S100PBP: variants seen among roughly 807,000 people sequenced by gnomAD.
The protein encoded by S100PBP is S100P binding protein, also known as S100P-binding protein.
A neutral mutation model predicts 39.9 loss-of-function variants in S100PBP; 15 were observed. That is an observed-to-expected ratio of 0.38 (90% CI 0.25 to 0.58). The LOEUF is 0.58. Ranked by LOEUF, S100PBP falls within the 20% of genes least tolerant of loss-of-function variation. The pLI is 0.70. For synonymous variants in S100PBP, 178 were observed against 180.3 expected, an observed-to-expected ratio of 0.99 and a Z score of 0.10; for missense variants, 504 against 487.3, an observed-to-expected ratio of 1.03 and a Z score of -0.32.
chr1:32,845,488 C>T (rs565291872), intron 5 of S100PBP, among the ~76,000 whole-genome samples: 5 of 151,988 alleles, frequency 3.3e-5, no homozygotes, highest in Admixed American at 2.0e-4. Flanking sequence ...AGGCTAGTCT[C>T]GAACTCTTGG....
At chr1:32,841,435 T>A (rs1640090503) in intron 5 of S100PBP, among the ~76,000 whole-genome samples, 2 of 151,938 alleles carry the variant, frequency 1.3e-5, no homozygotes, top group African/African-American at 4.8e-5. Flanking sequence ...ATCAGGTTTT[T>A]AAAAATTTTA....
At chr1:32,819,056 A>G (rs1638913805) in intron 1 of S100PBP, among the ~76,000 whole-genome samples, 2 of 152,032 alleles carry the variant, frequency 1.3e-5, no homozygotes, top group African/African-American at 4.8e-5. Context: ...CGAAGGCAGT[A>G]GGTTTTCTGA....
chr1:32,842,273 G>T (rs1291039958), intron 5 of S100PBP, among the ~76,000 whole-genome samples: 1 of 134,566 alleles, frequency 7.4e-6, no homozygotes, highest in Non-Finnish European at 1.5e-5. Context: ...ACACACACGT[G>T]GGAATGTAAG....
intron 5 of S100PBP, among the ~76,000 whole-genome samples, chr1:32,833,076 T>A (rs1214015690): frequency 6.6e-5 from 10 of 152,196 alleles, no homozygotes; most frequent in Admixed American, 6.5e-4. Flanking sequence ...AAATTATAAG[T>A]ACTTAAAGTA....
chr1:32,851,590 C>A (rs935914219), intron 5 of S100PBP, among the ~76,000 whole-genome samples: 1 of 151,372 alleles, frequency 6.6e-6, no homozygotes, highest in Non-Finnish European at 1.5e-5. Flanking sequence ...CACTTGAACC[C>A]GGGAGGAGGA....
chr1:32,838,488 C>T (rs1053071841), intron 5 of S100PBP, among the ~76,000 whole-genome samples: 2 of 152,070 alleles, frequency 1.3e-5, no homozygotes, highest in Non-Finnish European at 2.9e-5. Context: ...ATGTTTCCCC[C>T]AACTTTTTAA....
chr1:32,833,342 T>G (rs1174294237), intron 5 of S100PBP, among the ~76,000 whole-genome samples: 1 of 152,030 alleles, frequency 6.6e-6, no homozygotes. Flanking sequence ...AAAATAACTT[T>G]GTTCTGTCTT....
upstream of S100PBP, chr1:32,817,244 T>A: frequency 6.2e-7 from 1 of 1,614,046 alleles, no homozygotes; most frequent in Non-Finnish European, 8.5e-7. Context: ...GCGTCCCCCA[T>A]GGCTCCGCTA....
rs1640812272 is a variant in S100PBP at position 32,856,191 on chromosome 1, C to T, written c.*153C>T. On this transcript the variant is annotated 3_prime_UTR_variant, in exon 7 of 7. Coordinates refer to ENST00000373475, the MANE Select transcript of S100PBP (RefSeq NM_022753.4). The stretch of plus-strand genomic sequence containing the variant: ...AAACTCGTCACCTTTTGGAAATGCC[C>T]ATTGCCGACTTGAATTTTTTTGTAT... The T allele has an allele frequency of 2.0e-6, 1 of 489,584 alleles. No homozygotes were observed. Among genetic ancestry groups the T allele is most frequent in the Non-Finnish European group, 3.7e-6 (1 of 273,152 alleles). The allele number at this position is 489,584 out of a possible 1,614,324, so 30.3% of individuals were successfully genotyped here.
upstream of S100PBP, chr1:32,816,821 G>A (rs1638753202): frequency 7.7e-6 from 3 of 391,738 alleles, no homozygotes; most frequent in Non-Finnish European, 9.6e-6. Context: ...TACTTGAACC[G>A]TAATGGGTCA....
At chr1:32,838,515 A>T (rs948923084) in intron 5 of S100PBP, among the ~76,000 whole-genome samples, 3 of 152,008 alleles carry the variant, frequency 2.0e-5, no homozygotes, top group African/African-American at 7.3e-5. Flanking sequence ...AATACACATA[A>T]TATACACATA....
Position 32,826,745 on chromosome 1 carries a change from A to G in S100PBP, c.646A>G (p.Asn216Asp), listed in dbSNP as rs1639348378. ...AWNGPQLSSSNNNFQQTVSDK... is the reference protein window; with the variant it reads ...AWNGPQLSSSDNNFQQTVSDK... ...GAATGGGCCCCAGCTCTCTTCTTCA[A>G]ACAATAACTTTCAACAGACTGTCTC... The change falls in exon 3 of 7, where the codon AAC (asparagine) becomes GAC (aspartate). Residue 216 changes from asparagine (N) to aspartate (D), a missense_variant. Physicochemically the swap from Asn to Asp is conservative, Grantham distance 23 (BLOSUM62 1). Coordinates refer to ENST00000373475, the MANE Select transcript of S100PBP (RefSeq NM_022753.4). The G allele has an allele frequency of 6.2e-7, 1 of 1,613,998 alleles. No homozygotes were observed. Among genetic ancestry groups the G allele is most frequent in the Admixed American group, 1.7e-5 (1 of 60,012 alleles).
chr1:32,826,789 C>A lies in S100PBP; in HGVS notation c.690C>A (p.Asp230Glu), dbSNP rs372046285. ...CTGTCTCTGATAAAAATATGCCTGA[C>A]AGTGAGAACCCTACGTCTGTATTCT... ...QQTVSDKNMPDSENPTSVFSR... is the reference protein window; with the variant it reads ...QQTVSDKNMPESENPTSVFSR... The change falls in exon 3 of 7, where the codon GAC (aspartate) becomes GAA (glutamate). Residue 230 changes from aspartate (D) to glutamate (E), a missense_variant. Coordinates refer to ENST00000373475, the MANE Select transcript of S100PBP (RefSeq NM_022753.4). 6.2e-7 allele frequency: 1 copy of A among 1,613,988 alleles called. No individual in the cohort carries two copies. The highest frequency in any genetic ancestry group is 1.7e-5 in the Admixed American group (1 of 60,000).
intron 5 of S100PBP, among the ~76,000 whole-genome samples, chr1:32,843,893 C>A (rs1640232740): frequency 6.6e-6 from 1 of 151,538 alleles, no homozygotes; most frequent in Admixed American, 6.6e-5. Context: ...CGGCTGAGAT[C>A]TTTTCCCATC....
intron 3 of S100PBP, among the ~76,000 whole-genome samples, chr1:32,827,204 A>G (rs940985971): frequency 6.6e-6 from 1 of 152,220 alleles, no homozygotes; most frequent in South Asian, 2.1e-4. Flanking sequence ...ATAATACTTC[A>G]TAGTATAATA....
intron 5 of S100PBP, among the ~76,000 whole-genome samples, chr1:32,833,837 C>T (rs1477272302): frequency 6.6e-6 from 1 of 151,980 alleles, no homozygotes; most frequent in East Asian, 1.9e-4. Flanking sequence ...AGTTTATAAT[C>T]TGCTTTCTTT....
At chr1:32,831,150 CG>C (rs1461125276) in intron 5 of S100PBP, among the ~76,000 whole-genome samples, 1 of 151,452 alleles carries the variant, frequency 6.6e-6, no homozygotes, top group Non-Finnish European at 1.5e-5. Context: ...GTATTTCAGT[CG>C]TGGTAGTTTT....
At chr1:32,835,781 C>T (rs1016920121) in intron 5 of S100PBP, 2 of 151,666 alleles carry the variant, frequency 1.3e-5, no homozygotes, top group East Asian at 1.9e-4. Flanking sequence ...ATTTTTCTCA[C>T]CACTCAATTT....
intron 5 of S100PBP, 97 bp downstream of exon 5, chr1:32,830,164 T>A: frequency 6.5e-6 from 5 of 773,844 alleles, no homozygotes; most frequent in East Asian, 2.5e-5. Context: ...AGAATTTTCT[T>A]AAATTCTTGA....
Sources: gnomAD v4.1 joint callset for allele counts (sites outside exome capture counted in the v4.1 genomes callset) on GRCh38, gnomAD v4.1.1 for gene constraint, MANE v1.5 for transcripts, NCBI Gene and HGNC (gene_info 2026-07-23, HGNC 2026-07-21) for gene names.